The following GRM8 variants were observed in gnomAD, a reference collection of about 807,000 sequenced individuals.
The protein encoded by GRM8 is metabotropic glutamate receptor 8.
Under a neutral mutation model 87.2 loss-of-function variants are expected in GRM8, and 47 were observed. That is an observed-to-expected ratio of 0.54 (90% CI 0.43 to 0.69). The LOEUF (loss-of-function observed/expected upper bound fraction) is 0.69, where lower values mean the gene tolerates loss of function less well. Ranked by LOEUF, GRM8 falls within the 30% of genes least tolerant of loss-of-function variation. The pLI is 0.00. For synonymous variants in GRM8, 396 were observed against 404.5 expected, an observed-to-expected ratio of 0.98 and a Z score of 0.25; for missense variants, 1,019 against 1,139.2, an observed-to-expected ratio of 0.89 and a Z score of 1.52.
chr7:126,935,280 A>G (rs1806195461), intron 3 of GRM8, among the ~76,000 whole-genome samples: 1 of 152,148 alleles, frequency 6.6e-6, no homozygotes, highest in South Asian at 2.1e-4. Context: ...GGAAACTTCC[A>G]TGGCAAAGAC....
chr7:127,204,051 TGG>T (rs1795770389), intron 2 of GRM8, among the ~76,000 whole-genome samples: 1 of 152,162 alleles, frequency 6.6e-6, no homozygotes, highest in African/African-American at 2.4e-5. Context: ...AATCTAACTG[TGG>T]AGTTTATTAA....
intron 3 of GRM8, among the ~76,000 whole-genome samples, chr7:126,916,518 A>G (rs1265564082): frequency 6.6e-6 from 1 of 152,256 alleles, no homozygotes; most frequent in Non-Finnish European, 1.5e-5. Context: ...CAGATAGGAC[A>G]TTCTCAACAG....
chr7:126,994,567 C>A (rs1812994999), intron 3 of GRM8, among the ~76,000 whole-genome samples: 1 of 152,106 alleles, frequency 6.6e-6, no homozygotes, highest in Non-Finnish European at 1.5e-5. Flanking sequence ...ACTGAAGAGC[C>A]CCTGGGCCTT....
intron 9 of GRM8, among the ~76,000 whole-genome samples, chr7:126,508,434 C>T (rs1230780408): frequency 1.3e-5 from 2 of 152,004 alleles, no homozygotes; most frequent in Non-Finnish European, 2.9e-5. Context: ...GATATTCCTC[C>T]ATTCATGAGG....
chr7:126,892,383 G>A (rs1265926379), intron 6 of GRM8, among the ~76,000 whole-genome samples: 6 of 151,970 alleles, frequency 3.9e-5, no homozygotes, highest in African/African-American at 9.7e-5. Flanking sequence ...GAGAACACGC[G>A]GTGTTTGGTT....
At chr7:126,531,177 C>A (rs1189287740) in intron 9 of GRM8, among the ~76,000 whole-genome samples, 1 of 152,036 alleles carries the variant, frequency 6.6e-6, no homozygotes, top group Admixed American at 6.5e-5. Context: ...AATATGATAG[C>A]CCTTGATGTA....
At chr7:126,949,141 T>C (rs761543540) in intron 3 of GRM8, among the ~76,000 whole-genome samples, 9 of 152,220 alleles carry the variant, frequency 5.9e-5, no homozygotes, top group Non-Finnish European at 1.3e-4. Context: ...TCCTGGAACA[T>C]GGCAAATACT....
At chr7:127,032,317 G>A (rs988554146) in intron 3 of GRM8, among the ~76,000 whole-genome samples, 2 of 152,078 alleles carry the variant, frequency 1.3e-5, no homozygotes, top group Non-Finnish European at 2.9e-5. Context: ...ACTGTGCATT[G>A]CTATTTCCCT....
chr7:126,674,777 C>T (rs1043875057), intron 7 of GRM8, among the ~76,000 whole-genome samples: 6 of 152,030 alleles, frequency 3.9e-5, no homozygotes, highest in African/African-American at 9.7e-5. Context: ...TGGCAATCAC[C>T]GTCAGATTTG....
chr7:127,248,420 T>C (rs1277235037), intron 1 of GRM8, among the ~76,000 whole-genome samples: 1 of 152,156 alleles, frequency 6.6e-6, no homozygotes, highest in East Asian at 1.9e-4. Context: ...CCATGCCCCA[T>C]GGGGGCAGGA....
At chr7:126,684,730 G>C (rs1470413559) in intron 7 of GRM8, among the ~76,000 whole-genome samples, 1 of 152,204 alleles carries the variant, frequency 6.6e-6, no homozygotes, top group East Asian at 1.9e-4. Context: ...AGGAAAGCCT[G>C]GGTAAAGTCT....
chr7:126,722,984 TTATA>T (rs1233307717), intron 7 of GRM8, among the ~76,000 whole-genome samples: 1 of 143,692 alleles, frequency 7.0e-6, no homozygotes, highest in Non-Finnish European at 1.5e-5. Flanking sequence ...TTTACATATA[TTATA>T]TATAATTTAT....
At chr7:126,680,001 A>G (rs1465783538) in intron 7 of GRM8, among the ~76,000 whole-genome samples, 1 of 151,222 alleles carries the variant, frequency 6.6e-6, no homozygotes, top group Admixed American at 6.6e-5. Flanking sequence ...AGTGCACTCC[A>G]GCCTGGCAGC....
At chr7:126,559,373 A>G (rs1468986879) in intron 8 of GRM8, among the ~76,000 whole-genome samples, 1 of 151,788 alleles carries the variant, frequency 6.6e-6, no homozygotes, top group African/African-American at 2.4e-5. Context: ...GGGTTTCATC[A>G]TGTTACTCCG....
At chr7:126,524,163 G>A (rs1358314467) in intron 9 of GRM8, among the ~76,000 whole-genome samples, 3 of 151,778 alleles carry the variant, frequency 2.0e-5, no homozygotes, top group Non-Finnish European at 2.9e-5. Flanking sequence ...ATCCTTTCTC[G>A]AGTTAAACAA....
intron 7 of GRM8, among the ~76,000 whole-genome samples, chr7:126,711,144 C>T (rs1055024356): frequency 4.6e-5 from 7 of 152,166 alleles, no homozygotes; most frequent in Non-Finnish European, 7.3e-5. Flanking sequence ...CACTGCACTC[C>T]AGCCTGGATA....
chr7:127,186,119 C>T (rs192037408), intron 2 of GRM8, among the ~76,000 whole-genome samples: 92 of 152,166 alleles, frequency 6.0e-4, no homozygotes, highest in Admixed American at 2.2e-3. Context: ...GAGACACAGA[C>T]ATTGTATAAA....
At chr7:126,957,403 G>A (rs1450021892) in intron 3 of GRM8, among the ~76,000 whole-genome samples, 1 of 152,154 alleles carries the variant, frequency 6.6e-6, no homozygotes, top group Non-Finnish European at 1.5e-5. Context: ...CCCCTACCGA[G>A]TTGGAGTCCC....
chr7:127,141,797 C>T (rs550679367), intron 2 of GRM8, among the ~76,000 whole-genome samples: 45 of 152,138 alleles, frequency 3.0e-4, no homozygotes, highest in African/African-American at 1.1e-3. Context: ...CAATCCTCTG[C>T]CTTTATGGAG....
Sources: allele counts gnomAD v4.1 joint callset (sites outside exome capture counted in the v4.1 genomes callset), GRCh38; gene constraint gnomAD v4.1.1; transcripts MANE v1.5; gene names NCBI Gene and HGNC (gene_info 2026-07-23, HGNC 2026-07-21).